PRDM11: variants seen among roughly 807,000 people sequenced by gnomAD.
PRDM11 encodes the protein PR domain-containing protein 11.
PRDM11 carries 20 observed loss-of-function variants against 97.8 expected under a neutral mutation model. The observed-to-expected ratio is 0.20, with a 90% CI of 0.14 to 0.30. PRDM11 has a LOEUF of 0.30. Among genes scored for constraint, PRDM11 ranks in the 10% least tolerant of loss-of-function variants. The probability of loss-of-function intolerance (pLI) is 1.00; values close to 1 mark genes in which losing one functional copy is unlikely to be tolerated. For missense variants in PRDM11, 1,139 were observed against 1,555.2 expected (o/e 0.73, Z 4.50); for synonymous variants, 599 against 637.7 (o/e 0.94, Z 0.91).
At chr11:45,148,334 A>T (rs1319431254) in intron 1 of PRDM11, among the ~76,000 whole-genome samples, 1 of 152,150 alleles carries the variant, frequency 6.6e-6, no homozygotes, top group Non-Finnish European at 1.5e-5. Flanking sequence ...GTCCAACAAA[A>T]CCTGCCCGGC....
chr11:45,203,332 A>G (rs762241203), intron 4 of PRDM11, among the ~76,000 whole-genome samples: 28 of 152,152 alleles, frequency 1.8e-4, no homozygotes, highest in Non-Finnish European at 1.5e-5. Flanking sequence ...TCACTATGAA[A>G]CAGAAAGAGG....
chr11:45,153,075 C>A lies in PRDM11; in HGVS notation c.-7+6198C>A, dbSNP rs111784526. On this transcript the variant is annotated intron_variant, in intron 1 of 7. Transcript: ENST00000683152. ...AAGGTGAGAGCTGAGAGTGACCATTCCCAGGGAAAAGTAGGGGAATTTGGC... is the reference window on the plus strand; with the variant it reads ...AAGGTGAGAGCTGAGAGTGACCATTACCAGGGAAAAGTAGGGGAATTTGGC... Among the ~76,000 whole-genome samples, 276 of 152,320 alleles carry A rather than the reference C, an allele frequency of 1.8e-3. 2 individuals are homozygous for A. Among genetic ancestry groups the A allele is most frequent in the Non-Finnish European group, 3.2e-3 (221 of 68,024 alleles).
intron 1 of PRDM11, among the ~76,000 whole-genome samples, chr11:45,129,035 C>T (rs1481790287): frequency 6.6e-6 from 1 of 152,044 alleles, no homozygotes; most frequent in Non-Finnish European, 1.5e-5. Context: ...TAATTCACCA[C>T]ATTAACAGAA....
upstream of PRDM11, among the ~76,000 whole-genome samples, chr11:45,142,136 G>A (rs2135668121): frequency 6.6e-6 from 1 of 152,274 alleles, no homozygotes. Flanking sequence ...GGCAACCAAG[G>A]TGATCTCATG....
rs368942396 is a variant in PRDM11 at position 45,219,647 on chromosome 11, C to T, written c.632C>T (p.Ala211Val). Reference protein sequence around the residue: ...FQHSERIYFRACRDIRPGEWL... With the variant: ...FQHSERIYFRVCRDIRPGEWL... ...CACAGTGAGCGCATCTACTTCCGGG[C>T]GTGCAGGGACATCCGGCCTGGGGAG... The change falls in exon 6 of 8, where the codon GCG (alanine) becomes GTG (valine). Residue 211 changes from alanine to valine, a missense_variant. Physicochemically the swap from Ala to Val is moderately conservative, Grantham distance 64. This residue lies in a region of PRDM11 where 429 missense variants were observed against 510.3 expected (regional missense o/e 0.84). Transcript: ENST00000683152. This position sits in a 1 kb window ranked among gnomAD's most constrained non-coding sequence, Gnocchi z 4.2. 1.2e-5 allele frequency: 19 copies of T among 1,613,984 alleles called. No individual in the cohort carries two copies. The highest frequency in any genetic ancestry group is 1.6e-4 in the Middle Eastern group (1 of 6,084).
chr11:45,174,204 ATGTAGT>A (rs1263891372), intron 1 of PRDM11, among the ~76,000 whole-genome samples: 1 of 152,132 alleles, frequency 6.6e-6, no homozygotes, highest in Non-Finnish European at 1.5e-5. Flanking sequence ...AGATTATAGC[ATGTAGT>A]TGTAGTTTGT....
intron 1 of PRDM11, among the ~76,000 whole-genome samples, chr11:45,167,759 CCACACACACACACACACACACACA>C (rs34333065): frequency 5.6e-5 from 8 of 143,324 alleles, no homozygotes; most frequent in African/African-American, 1.0e-4. Context: ...TCATTTCACA[CCACACACACACACACACACACACA>C]CACACACACA....
At chr11:45,139,369 C>G (rs1399457933) in intron 1 of PRDM11, among the ~76,000 whole-genome samples, 2 of 152,080 alleles carry the variant, frequency 1.3e-5, no homozygotes, top group Non-Finnish European at 1.5e-5. Context: ...GAGTTCAAGA[C>G]CAGCCTGGCC....
chr11:45,106,749 C>A (rs1852068281), intron 1 of PRDM11, among the ~76,000 whole-genome samples: 1 of 152,216 alleles, frequency 6.6e-6, no homozygotes, highest in Non-Finnish European at 1.5e-5. Flanking sequence ...TTTAGCACAG[C>A]AACTGGGTTC....
At chr11:45,160,664 G>A (rs1851906833) in intron 1 of PRDM11, among the ~76,000 whole-genome samples, 1 of 152,192 alleles carries the variant, frequency 6.6e-6, no homozygotes, top group African/African-American at 2.4e-5. Flanking sequence ...CTGACATTTG[G>A]GTAAATTCTG....
chr11:45,095,399 T>C (rs1851875396), upstream of PRDM11, among the ~76,000 whole-genome samples: 1 of 152,186 alleles, frequency 6.6e-6, no homozygotes, highest in Non-Finnish European at 1.5e-5. Context: ...CCCGCTGCTA[T>C]CTGCTCATCA....
intron 1 of PRDM11, among the ~76,000 whole-genome samples, chr11:45,117,081 G>A (rs934437662): frequency 6.6e-5 from 10 of 151,972 alleles, no homozygotes; most frequent in African/African-American, 2.4e-4. Flanking sequence ...AAAATTAGCT[G>A]GGTGTGGTGG....
Position 45,228,181 on chromosome 11 carries a change from A to G in PRDM11, c.*22A>G, listed in dbSNP as rs1432418930. 8.9e-6 allele frequency: 13 copies of G among 1,460,560 alleles called. No individual in the cohort carries two copies. Among genetic ancestry groups the G allele is most frequent in the Non-Finnish European group, 1.1e-5 (12 of 1,112,378 alleles). 90.5% of individuals were successfully genotyped at this position (1,460,560 alleles called of 1,614,324 possible). Reference sequence around the variant, plus strand: ...TTAGGGAGCTGGCGCTGCAGAGTTCACTAAGCTGTTGAATATTTTTTTAAT... The same window carrying G: ...TTAGGGAGCTGGCGCTGCAGAGTTCGCTAAGCTGTTGAATATTTTTTTAAT... On this transcript the variant is annotated 3_prime_UTR_variant, in exon 8 of 8. Coordinates refer to ENST00000683152, the MANE Select transcript of PRDM11 (RefSeq NM_001384648.1).
At chr11:45,168,769 C>T in intron 1 of PRDM11, among the ~76,000 whole-genome samples, 1 of 152,208 alleles carries the variant, frequency 6.6e-6, no homozygotes, top group East Asian at 1.9e-4. Context: ...GTGGTCAATG[C>T]AGGACAGCTC....
In PRDM11 at chr11:45,187,891, C is replaced by T. The variant is rs554723125; in HGVS notation, c.486+4768C>T. On this transcript the variant is annotated intron_variant, in intron 4 of 7. Coordinates refer to ENST00000683152, the MANE Select transcript of PRDM11 (RefSeq NM_001384648.1). ...ACTGGGGAAAAGCAGGCGTGAAGAA[C>T]GGCCCTGCCTGCTCTGCTGATGGGT... Among the ~76,000 whole-genome samples, 9 of 151,834 alleles carry T rather than the reference C, an allele frequency of 5.9e-5. No individual in the cohort carries two copies. The South Asian group carries it at 8.3e-4, about 14-fold the overall frequency.
upstream of PRDM11, chr11:45,146,534 G>C (rs1157915092): frequency 6.6e-6 from 1 of 152,060 alleles, no homozygotes; most frequent in Non-Finnish European, 1.5e-5. Flanking sequence ...GGCCCCGGGA[G>C]TTTTCTCCGG....
At chr11:45,120,399 A>G (rs528143591) in intron 1 of PRDM11, among the ~76,000 whole-genome samples, 1 of 152,328 alleles carries the variant, frequency 6.6e-6, no homozygotes, top group Admixed American at 6.5e-5. Context: ...GATAGATACA[A>G]TGTAAAACCA....
chr11:45,213,348 G>A (rs1476942059), intron 5 of PRDM11: 7 of 454,220 alleles, frequency 1.5e-5, no homozygotes, highest in East Asian at 7.0e-5. Context: ...CAGGGAGGGG[G>A]GCGCAACAGT....
intron 1 of PRDM11, among the ~76,000 whole-genome samples, chr11:45,104,558 A>T (rs979229171): frequency 2.0e-5 from 3 of 152,140 alleles, no homozygotes; most frequent in Non-Finnish European, 4.4e-5. Flanking sequence ...AGATGAGGAA[A>T]CTGAGGCACA....
Sources: gnomAD v4.1 joint callset for allele counts (sites outside exome capture counted in the v4.1 genomes callset) on GRCh38, gnomAD v4.1.1 for gene constraint, gnomAD v4.1.1 regional missense constraint, Gnocchi (gnomAD v3.1) non-coding constraint, MANE v1.5 for transcripts, NCBI Gene and HGNC (gene_info 2026-07-23, HGNC 2026-07-21) for gene names.